Variants in COX7B2 observed in about 807,000 individuals in gnomAD.
The protein encoded by COX7B2 is cytochrome c oxidase subunit 7B2, mitochondrial.
For missense variants in COX7B2, 109 were observed against 95.9 expected (o/e 1.14, Z -0.57); for synonymous variants, 37 against 32.1 (o/e 1.15, Z -0.51).
At chr4:46,881,881 T>C (rs972922862) in intron 1 of COX7B2, among the ~76,000 whole-genome samples, 1 of 152,212 alleles carries the variant, frequency 6.6e-6, no homozygotes, top group Non-Finnish European at 1.5e-5. Context: ...CTTTCAGTTG[T>C]GATGTTACAC....
chr4:46,802,977 C>G (rs1718738574), intron 2 of COX7B2, among the ~76,000 whole-genome samples: 1 of 152,152 alleles, frequency 6.6e-6, no homozygotes, highest in African/African-American at 2.4e-5. Context: ...CTCCCAAATA[C>G]ACGGTAAGAA....
chr4:46,832,946 C>A (rs139083087), intron 2 of COX7B2, among the ~76,000 whole-genome samples: 1 of 151,832 alleles, frequency 6.6e-6, no homozygotes, highest in African/African-American at 2.4e-5. Context: ...GCTCTTGTTG[C>A]CCAGGCTGGA....
intron 2 of COX7B2, among the ~76,000 whole-genome samples, chr4:46,842,994 T>C (rs887785422): frequency 3.8e-4 from 58 of 152,220 alleles, no homozygotes; most frequent in African/African-American, 1.4e-3. Context: ...TCCACAATGG[T>C]TGAACTAGCT....
At chr4:46,849,828 C>A (rs1018514495) in intron 1 of COX7B2, among the ~76,000 whole-genome samples, 2 of 151,974 alleles carry the variant, frequency 1.3e-5, no homozygotes, top group African/African-American at 4.8e-5. Context: ...CAAATGCTAT[C>A]CCTCCCCGCT....
At chr4:46,838,317 A>G (rs1432405150) in intron 2 of COX7B2, among the ~76,000 whole-genome samples, 1 of 152,134 alleles carries the variant, frequency 6.6e-6, no homozygotes, top group Non-Finnish European at 1.5e-5. Flanking sequence ...CTGTAATATT[A>G]TAAGTGATCT....
At chr4:46,762,008 G>A (rs1716176478) in intron 2 of COX7B2, among the ~76,000 whole-genome samples, 1 of 151,124 alleles carries the variant, frequency 6.6e-6, no homozygotes. Context: ...ATAAATGCTA[G>A]TGTCAGCTCT....
intron 2 of COX7B2, among the ~76,000 whole-genome samples, chr4:46,794,117 C>T (rs576949064): frequency 1.6e-4 from 24 of 152,278 alleles, no homozygotes; most frequent in African/African-American, 3.6e-4. Flanking sequence ...AAGTATAACA[C>T]ATAAAGTATG....
intron 2 of COX7B2, among the ~76,000 whole-genome samples, chr4:46,822,124 G>T (rs1280179268): frequency 6.6e-6 from 1 of 152,100 alleles, no homozygotes; most frequent in African/African-American, 2.4e-5. Flanking sequence ...TGTTGGCCAG[G>T]ATAGTCTCCA....
intron 2 of COX7B2, among the ~76,000 whole-genome samples, chr4:46,790,845 G>A (rs928335929): frequency 1.1e-4 from 17 of 152,158 alleles, no homozygotes; most frequent in Admixed American, 1.1e-3. Context: ...TGCTGCTTAA[G>A]AATCAAACCC....
chr4:46,820,580 C>T (rs539158431), intron 2 of COX7B2, among the ~76,000 whole-genome samples: 8 of 152,188 alleles, frequency 5.3e-5, no homozygotes, highest in African/African-American at 9.6e-5. Context: ...GTAATCCCAG[C>T]GCTTTGGGAG....
intron 2 of COX7B2, among the ~76,000 whole-genome samples, chr4:46,807,363 T>G (rs1213336819): frequency 6.6e-6 from 1 of 151,950 alleles, no homozygotes; most frequent in Non-Finnish European, 1.5e-5. Context: ...GGGTTATTAG[T>G]TATTCCACTA....
chr4:46,789,137 C>T (rs956300692), intron 2 of COX7B2, among the ~76,000 whole-genome samples: 3 of 152,124 alleles, frequency 2.0e-5, no homozygotes, highest in Admixed American at 6.5e-5. Context: ...ATTTCACAGT[C>T]TATGAATCCA....
chr4:46,866,255 G>A (rs1341036493), intron 1 of COX7B2, among the ~76,000 whole-genome samples: 1 of 152,192 alleles, frequency 6.6e-6, no homozygotes, highest in African/African-American at 2.4e-5. Flanking sequence ...TCTGACCACT[G>A]CCATTGGAAT....
chr4:46,747,186 C>G (rs578251292), intron 2 of COX7B2, among the ~76,000 whole-genome samples: 1 of 152,084 alleles, frequency 6.6e-6, no homozygotes, highest in African/African-American at 2.4e-5. Context: ...GTTATTTTTC[C>G]TAATCCTCTC....
intron 2 of COX7B2, among the ~76,000 whole-genome samples, chr4:46,830,181 G>A (rs145132778): frequency 0.033 from 4,993 of 151,940 alleles, 273 homozygotes; most frequent in African/African-American, 0.11. Context: ...AAAATTAGCC[G>A]GGGGTGGTGG....
At chr4:46,772,990 A>G (rs1354671998) in intron 2 of COX7B2, among the ~76,000 whole-genome samples, 3 of 152,190 alleles carry the variant, frequency 2.0e-5, no homozygotes, top group Admixed American at 1.3e-4. Flanking sequence ...AACCAGAAAA[A>G]TAATGGAAAA....
At chr4:46,853,404 T>G (rs1408536457) in intron 1 of COX7B2, among the ~76,000 whole-genome samples, 1 of 152,170 alleles carries the variant, frequency 6.6e-6, no homozygotes, top group Non-Finnish European at 1.5e-5. Flanking sequence ...CATCTAAAAT[T>G]TGTCTACTTA....
At chr4:46,891,526 G>C (rs536144588) in intron 1 of COX7B2, among the ~76,000 whole-genome samples, 1 of 152,268 alleles carries the variant, frequency 6.6e-6, no homozygotes, top group South Asian at 2.1e-4. Flanking sequence ...CTAAGAGAAT[G>C]AACTTTGAAT....
chr4:46,832,363 G>A (rs950104812), intron 2 of COX7B2, among the ~76,000 whole-genome samples: 2 of 151,918 alleles, frequency 1.3e-5, no homozygotes, highest in Non-Finnish European at 2.9e-5. Context: ...CCACCCCGAG[G>A]GTACACAGCT....
Sources: allele counts gnomAD v4.1 joint callset (sites outside exome capture counted in the v4.1 genomes callset), GRCh38; gene constraint gnomAD v4.1.1; transcripts MANE v1.5; gene names NCBI Gene and HGNC (gene_info 2026-07-23, HGNC 2026-07-21).